RALGPS1: variants seen among roughly 807,000 people sequenced by gnomAD.
RALGPS1 encodes Ral GEF with PH domain and SH3 binding motif 1.
RALGPS1 carries 19 observed loss-of-function variants against 78.8 expected under a neutral mutation model. The ratio of observed to expected loss-of-function variants is 0.24; its 90% CI spans 0.17 to 0.35. The LOEUF is 0.35. Among genes scored for constraint, RALGPS1 ranks in the 10% least tolerant of loss-of-function variants. The pLI, the probability that RALGPS1 is intolerant of heterozygous loss-of-function variation, is 1.00. For missense variants in RALGPS1, 454 were observed against 688.3 expected, an observed-to-expected ratio of 0.66 and a Z score of 3.81; for synonymous variants, 228 against 256.3, an observed-to-expected ratio of 0.89 and a Z score of 1.06.
At chr9:126,956,293 G>C (rs933395463) in intron 1 of RALGPS1, among the ~76,000 whole-genome samples, 1 of 152,114 alleles carries the variant, frequency 6.6e-6, no homozygotes, top group African/African-American at 2.4e-5. Flanking sequence ...TCTGCTCCCT[G>C]ATACAGAACT....
chr9:127,202,775 C>T (rs2061704776), intron 14 of RALGPS1, among the ~76,000 whole-genome samples: 1 of 152,204 alleles, frequency 6.6e-6, no homozygotes, highest in South Asian at 2.1e-4. Flanking sequence ...TGGGCCTGCT[C>T]TTCTCTGTGA....
intron 8 of RALGPS1, among the ~76,000 whole-genome samples, chr9:127,118,187 A>G (rs892521460): frequency 6.6e-6 from 1 of 152,146 alleles, no homozygotes; most frequent in African/African-American, 2.4e-5. Context: ...ACATTTTAAC[A>G]TTCCTGGGAC....
chr9:126,934,061 A>G (rs1265860443), intron 1 of RALGPS1, among the ~76,000 whole-genome samples: 2 of 152,198 alleles, frequency 1.3e-5, no homozygotes, highest in Admixed American at 6.5e-5. Flanking sequence ...TATCCAAAGC[A>G]TGATGGGAAA....
chr9:126,948,164 A>G (rs371436297), intron 1 of RALGPS1, among the ~76,000 whole-genome samples: 5 of 152,102 alleles, frequency 3.3e-5, no homozygotes, highest in Non-Finnish European at 7.4e-5. Flanking sequence ...TGCCTTTTAT[A>G]TTTTATACCT....
chr9:127,191,032 C>A (rs2060999259), intron 11 of RALGPS1, among the ~76,000 whole-genome samples: 1 of 152,184 alleles, frequency 6.6e-6, no homozygotes, highest in Non-Finnish European at 1.5e-5. Flanking sequence ...TTTGGAGACT[C>A]TGTTCCTTGA....
intron 3 of RALGPS1, among the ~76,000 whole-genome samples, chr9:126,971,386 C>T (rs1482901398): frequency 2.7e-5 from 4 of 149,424 alleles, no homozygotes; most frequent in African/African-American, 9.8e-5. Flanking sequence ...TTACAAACTA[C>T]TGGGTTTTAA....
At chr9:126,927,218 C>T (rs1048774553) in intron 1 of RALGPS1, among the ~76,000 whole-genome samples, 2 of 151,986 alleles carry the variant, frequency 1.3e-5, no homozygotes, top group African/African-American at 2.4e-5. Flanking sequence ...ATAGCTGGCC[C>T]CTGAAGTTGT....
At chr9:127,102,136 G>A (rs913874815) in intron 8 of RALGPS1, among the ~76,000 whole-genome samples, 16 of 151,940 alleles carry the variant, frequency 1.1e-4, no homozygotes, top group African/African-American at 3.9e-4. Flanking sequence ...CACTGATGTG[G>A]GTATAAACCA....
chr9:127,216,824 A>G (rs1588620568), intron 18 of RALGPS1: 3 of 1,314,876 alleles, frequency 2.3e-6, no homozygotes, highest in Non-Finnish European at 3.0e-6. Flanking sequence ...TGGTCACACC[A>G]TGTGTGTCTG....
intron 7 of RALGPS1, among the ~76,000 whole-genome samples, chr9:127,055,625 A>T (rs934975776): frequency 2.0e-5 from 3 of 152,200 alleles, no homozygotes; most frequent in Non-Finnish European, 4.4e-5. Flanking sequence ...AGAAAGGTAG[A>T]GTGGTTTATG....
intron 5 of RALGPS1, among the ~76,000 whole-genome samples, chr9:127,037,435 T>C (rs1313445888): frequency 6.6e-6 from 1 of 152,254 alleles, no homozygotes; most frequent in Non-Finnish European, 1.5e-5. Flanking sequence ...TTCCAACTTG[T>C]CTCATGGACA....
intron 8 of RALGPS1, among the ~76,000 whole-genome samples, chr9:127,115,180 A>AATT (rs112610239): frequency 0.017 from 2,570 of 151,274 alleles, 53 homozygotes; most frequent in African/African-American, 0.051. Flanking sequence ...TGTCTTACGT[A>AATT]ATTATTATTA....
chr9:127,162,489 G>A (rs1159898327), intron 8 of RALGPS1, among the ~76,000 whole-genome samples: 1 of 152,194 alleles, frequency 6.6e-6, no homozygotes, highest in Non-Finnish European at 1.5e-5. Flanking sequence ...TTGTGCTGTG[G>A]TTTTCATTGT....
chr9:127,162,221 C>G (rs1181166883), intron 8 of RALGPS1, among the ~76,000 whole-genome samples: 2 of 152,226 alleles, frequency 1.3e-5, no homozygotes, highest in Non-Finnish European at 2.9e-5. Context: ...GACACACTTC[C>G]TGCCCTTGAG....
At chr9:127,010,447 A>G (rs2044236893) in intron 4 of RALGPS1, among the ~76,000 whole-genome samples, 1 of 152,030 alleles carries the variant, frequency 6.6e-6, no homozygotes, top group African/African-American at 2.4e-5. Flanking sequence ...CCTGGATTCC[A>G]CCCCTGGCTG....
chr9:126,940,249 C>T (rs1564281623), intron 1 of RALGPS1, among the ~76,000 whole-genome samples: 1 of 152,024 alleles, frequency 6.6e-6, no homozygotes, highest in African/African-American at 2.4e-5. Context: ...ATTCAGATGT[C>T]GTGTTGGACT....
intron 11 of RALGPS1, among the ~76,000 whole-genome samples, chr9:127,179,016 T>C (rs2060053152): frequency 6.6e-6 from 1 of 152,226 alleles, no homozygotes. Context: ...GCCACAACTC[T>C]TCAAGCTCCT....
chr9:127,210,534 G>A, intron 14 of RALGPS1: 1 of 614,968 alleles, frequency 1.6e-6, no homozygotes, highest in East Asian at 2.8e-5. Flanking sequence ...AGGTGTGCTT[G>A]TAGTGTGGCC....
intron 4 of RALGPS1, among the ~76,000 whole-genome samples, chr9:127,023,223 A>G (rs1438720919): frequency 6.6e-6 from 1 of 152,172 alleles, no homozygotes; most frequent in African/African-American, 2.4e-5. Flanking sequence ...TAGGACTGCA[A>G]CCTTGGGAAA....
Sources: gnomAD v4.1 joint callset for allele counts (sites outside exome capture counted in the v4.1 genomes callset) on GRCh38, gnomAD v4.1.1 for gene constraint, MANE v1.5 for transcripts, NCBI Gene and HGNC (gene_info 2026-07-23, HGNC 2026-07-21) for gene names.